Variants in CDKAL1 observed in about 807,000 individuals in gnomAD.
The protein encoded by CDKAL1 is CDKAL1 threonylcarbamoyladenosine tRNA methylthiotransferase.
CDKAL1 carries 32 observed loss-of-function variants against 68.2 expected under a neutral mutation model. The ratio of observed to expected loss-of-function variants is 0.47; its 90% confidence interval spans 0.35 to 0.63. The LOEUF (loss-of-function observed/expected upper bound fraction) is 0.63, where lower values mean the gene tolerates loss of function less well. CDKAL1 is among the 30% of genes least tolerant of loss of function. CDKAL1 has a pLI of 0.00. For missense variants in CDKAL1, 606 were observed against 696.7 expected (o/e 0.87, Z 1.47); for synonymous variants, 234 against 244.3 (o/e 0.96, Z 0.39).
rs76554601 is a variant in CDKAL1 at position 21,082,180 on chromosome 6, C to A, written c.1236+16952C>A. 5.1e-3 allele frequency among the ~76,000 whole-genome samples: 780 copies of A among 152,250 alleles called. 9 individuals are homozygous for A. Among genetic ancestry groups the A allele is most frequent in the African/African-American group, 0.018 (745 of 41,536 alleles). ...GTACTAGTTATGTTCCATCTGGGATCTTGTAATCTAAGATGAATGACCTGG... is the reference window on the plus strand; with the variant it reads ...GTACTAGTTATGTTCCATCTGGGATATTGTAATCTAAGATGAATGACCTGG... On this transcript the variant is annotated intron_variant, in intron 12 of 15. Transcript: ENST00000274695.
At chr6:20,910,483 A>G (rs1320710309) in intron 9 of CDKAL1, among the ~76,000 whole-genome samples, 1 of 152,200 alleles carries the variant, frequency 6.6e-6, no homozygotes, top group Non-Finnish European at 1.5e-5. Context: ...GAGAAAATAG[A>G]TTCGTGGTGC....
intron 2 of CDKAL1, among the ~76,000 whole-genome samples, chr6:20,538,764 G>C (rs1763274425): frequency 1.3e-5 from 2 of 152,172 alleles, no homozygotes; most frequent in South Asian, 4.1e-4. Flanking sequence ...AATCCTAGGG[G>C]TTGGGCATTT....
At chr6:20,974,635 A>G (rs1765749254) in intron 10 of CDKAL1, among the ~76,000 whole-genome samples, 1 of 152,074 alleles carries the variant, frequency 6.6e-6, no homozygotes, top group South Asian at 2.1e-4. Flanking sequence ...TCTCCTTGAA[A>G]GGCTGTTATC....
intron 9 of CDKAL1, among the ~76,000 whole-genome samples, chr6:20,879,435 A>C (rs1042358189): frequency 6.6e-6 from 1 of 152,378 alleles, no homozygotes; most frequent in Admixed American, 6.5e-5. Context: ...GTTATGTAAT[A>C]GTCACTTCAA....
rs1420868595 is a variant in CDKAL1, at chr6:21,195,473, TTTTTTTTATTTATTTA to T, written c.1300-2544_1300-2529del. Among the ~76,000 whole-genome samples, 99 of 118,144 alleles carry T rather than the reference TTTTTTTTATTTATTTA, an allele frequency of 8.4e-4. 1 individual carries two copies. The highest frequency in any genetic ancestry group is 1.8e-3 in the African/African-American group (59 of 32,002). The allele number at this position is 118,144 out of a possible 152,430, so 77.5% of individuals were successfully genotyped here. A position where few individuals can be genotyped will look rare whatever the true frequency, so the allele number is the denominator to read the frequency against. ...CCATCGTGCCTGGCCTCTGGAGATG[TTTTTTTTATTTATTTA>T]TTTATTTATTTATTTATTTATTTAT... On this transcript the variant is annotated intron_variant, in intron 13 of 15. Transcript: ENST00000274695.
intron 4 of CDKAL1, among the ~76,000 whole-genome samples, chr6:20,629,334 C>T (rs571465404): frequency 6.6e-6 from 1 of 152,190 alleles, no homozygotes; most frequent in African/African-American, 2.4e-5. Context: ...TTTGATTTGT[C>T]CTATTATTGG....
chr6:20,936,363 G>T (rs1386481853), intron 9 of CDKAL1, among the ~76,000 whole-genome samples: 7 of 143,672 alleles, frequency 4.9e-5, no homozygotes, highest in African/African-American at 1.5e-4. Flanking sequence ...CCATTCTCCT[G>T]CCTCAGCCTC....
intron 4 of CDKAL1, among the ~76,000 whole-genome samples, chr6:20,642,249 GAA>G (rs760925465): frequency 7.8e-4 from 119 of 152,092 alleles, no homozygotes; most frequent in Admixed American, 1.3e-3. Context: ...AGCAATAACA[GAA>G]AAGAGTGACA....
chr6:20,549,726 C>T (rs1763742207), intron 4 of CDKAL1, among the ~76,000 whole-genome samples: 1 of 152,006 alleles, frequency 6.6e-6, no homozygotes, highest in African/African-American at 2.4e-5. Flanking sequence ...TCTGCCTCAG[C>T]CTCCCAAGTA....
intron 8 of CDKAL1, among the ~76,000 whole-genome samples, chr6:20,830,433 C>T (rs1476424803): frequency 1.3e-5 from 2 of 151,984 alleles, no homozygotes; most frequent in Non-Finnish European, 2.9e-5. Context: ...TACTCTGTTT[C>T]CTCAGGTAAA....
intron 4 of CDKAL1, among the ~76,000 whole-genome samples, chr6:20,590,252 G>A (rs1033414922): frequency 1.3e-5 from 2 of 151,982 alleles, no homozygotes; most frequent in African/African-American, 4.8e-5. Context: ...ATTATATTAT[G>A]TTGTATCTAA....
intron 9 of CDKAL1, among the ~76,000 whole-genome samples, chr6:20,863,781 A>G (rs958299386): frequency 6.6e-6 from 1 of 152,358 alleles, no homozygotes; most frequent in East Asian, 1.9e-4. Context: ...ACTAGGTAAT[A>G]TTTGAAATGA....
intron 11 of CDKAL1, among the ~76,000 whole-genome samples, chr6:21,047,136 G>A (rs760939790): frequency 4.7e-4 from 72 of 151,764 alleles, no homozygotes; most frequent in Non-Finnish European, 1.5e-4. Flanking sequence ...TGTTGCCCAG[G>A]TTGGCCTTGA....
intron 13 of CDKAL1, among the ~76,000 whole-genome samples, chr6:21,189,351 G>A (rs916401736): frequency 2.6e-5 from 4 of 152,178 alleles, no homozygotes; most frequent in African/African-American, 9.7e-5. Context: ...AGATACTCAT[G>A]GCAATTAATA....
At chr6:20,863,632 T>C (rs371263288) in intron 9 of CDKAL1, among the ~76,000 whole-genome samples, 11 of 152,322 alleles carry the variant, frequency 7.2e-5, no homozygotes, top group African/African-American at 2.6e-4. Context: ...GCACCCATAA[T>C]TGGTAATGAG....
At chr6:21,042,948 CA>C (rs1403986500) in intron 11 of CDKAL1, among the ~76,000 whole-genome samples, 1 of 152,130 alleles carries the variant, frequency 6.6e-6, no homozygotes, top group Non-Finnish European at 1.5e-5. Flanking sequence ...GTATAAAAAA[CA>C]GACATAGAGA....
At chr6:20,795,124 CAT>C (rs1439057104) in intron 8 of CDKAL1, among the ~76,000 whole-genome samples, 1 of 152,090 alleles carries the variant, frequency 6.6e-6, no homozygotes, top group Non-Finnish European at 1.5e-5. Context: ...TTACCTTTCC[CAT>C]CCACACTTCT....
At chr6:21,002,122 A>G (rs934917965) in intron 11 of CDKAL1, among the ~76,000 whole-genome samples, 3 of 152,150 alleles carry the variant, frequency 2.0e-5, no homozygotes, top group African/African-American at 7.2e-5. Context: ...TCCATCTTGG[A>G]CAGTTCCAAC....
chr6:20,758,450 T>C, intron 6 of CDKAL1, 145 bp from the exon 7 acceptor site: 1 of 596,962 alleles, frequency 1.7e-6, no homozygotes, highest in Non-Finnish European at 2.9e-6. Context: ...ATATAGGATA[T>C]TTTTTATAGT....
Sources: allele counts gnomAD v4.1 joint callset (sites outside exome capture counted in the v4.1 genomes callset), GRCh38; gene constraint gnomAD v4.1.1; transcripts MANE v1.5; gene names NCBI Gene and HGNC (gene_info 2026-07-23, HGNC 2026-07-21).